PDE1A: variants seen among roughly 807,000 people sequenced by gnomAD.
The protein encoded by PDE1A is phosphodiesterase 1A, also known as dual specificity calcium/calmodulin-dependent 3',5'-cyclic nucleotide phosphodiesterase 1A.
PDE1A carries 35 observed loss-of-function variants against 61.7 expected under a neutral mutation model. The ratio of observed to expected loss-of-function variants is 0.57; its 90% CI spans 0.43 to 0.75. The LOEUF (loss-of-function observed/expected upper bound fraction) is 0.75. Among genes scored for constraint, PDE1A ranks in the 30% least tolerant of loss-of-function variants. PDE1A has a pLI of 0.00. For missense variants in PDE1A, 597 were observed against 630.6 expected (o/e 0.95, Z 0.57); for synonymous variants, 232 against 213.2 (o/e 1.09, Z -0.77).
the PDE1A span, among the ~76,000 whole-genome samples, chr2:182,707,092 G>T: frequency 3.9e-5 from 6 of 152,292 alleles, no homozygotes; most frequent in South Asian, 1.2e-3. Flanking sequence ...AGGGAAATTA[G>T]AAAATATTGT....
chr2:182,560,110 T>C, the PDE1A span, among the ~76,000 whole-genome samples: 9 of 151,346 alleles, frequency 5.9e-5, no homozygotes, highest in Admixed American at 5.3e-4. Flanking sequence ...ATGTGCACAA[T>C]GTGCAGGTTA....
chr2:182,520,081 T>G (rs943259019), intron 2 of PDE1A, among the ~76,000 whole-genome samples: 1 of 151,884 alleles, frequency 6.6e-6, no homozygotes, highest in African/African-American at 2.4e-5. Context: ...ACCAGCAATT[T>G]TGATAAGCTA....
intron 2 of PDE1A, among the ~76,000 whole-genome samples, chr2:182,247,629 C>A (rs1203608082): frequency 1.3e-5 from 2 of 152,084 alleles, no homozygotes; most frequent in Non-Finnish European, 2.9e-5. Context: ...TTCATCTGAC[C>A]ACGCTAGACA....
chr2:182,330,425 G>T (rs1270860421), intron 1 of PDE1A, among the ~76,000 whole-genome samples: 2 of 151,820 alleles, frequency 1.3e-5, no homozygotes, highest in Non-Finnish European at 2.9e-5. Flanking sequence ...TTTCAGAAGG[G>T]TTATAAGCCT....
chr2:182,474,734 TAA>T (rs1322306524), intron 2 of PDE1A, among the ~76,000 whole-genome samples: 1 of 151,858 alleles, frequency 6.6e-6, no homozygotes, highest in Non-Finnish European at 1.5e-5. Flanking sequence ...TAAACCCTAA[TAA>T]AACTCCCTGG....
the PDE1A span, among the ~76,000 whole-genome samples, chr2:182,550,025 A>G: frequency 6.6e-6 from 1 of 152,150 alleles, no homozygotes; most frequent in Non-Finnish European, 1.5e-5. Flanking sequence ...CTAGCCATCA[A>G]TGAAGAAAAA....
intron 7 of PDE1A, among the ~76,000 whole-genome samples, chr2:182,212,975 A>G (rs1481269875): frequency 1.3e-5 from 2 of 150,532 alleles, no homozygotes; most frequent in Admixed American, 1.3e-4. Context: ...GGCACAGACA[A>G]ACAAAAAGAC....
intron 10 of PDE1A, among the ~76,000 whole-genome samples, chr2:182,200,286 G>A (rs1380908168): frequency 6.6e-6 from 1 of 152,152 alleles, no homozygotes; most frequent in Non-Finnish European, 1.5e-5. Context: ...GATAGTTTCA[G>A]CATAGGGCCT....
intron 1 of PDE1A, among the ~76,000 whole-genome samples, chr2:182,326,831 G>C (rs902684961): frequency 6.6e-6 from 1 of 152,164 alleles, no homozygotes; most frequent in Non-Finnish European, 1.5e-5. Flanking sequence ...TCAGAGACTG[G>C]AGGGAGGCAC....
At chr2:182,323,152 C>G (rs534678090) in intron 1 of PDE1A, among the ~76,000 whole-genome samples, 2 of 152,162 alleles carry the variant, frequency 1.3e-5, no homozygotes, top group East Asian at 3.9e-4. Flanking sequence ...TTATAGAAGC[C>G]TTTGAACTTA....
intron 2 of PDE1A, among the ~76,000 whole-genome samples, chr2:182,437,752 T>G (rs1282593030): frequency 6.6e-6 from 1 of 151,980 alleles, no homozygotes; most frequent in African/African-American, 2.4e-5. Flanking sequence ...TATGATTCAC[T>G]TTGATTCTTT....
At chr2:182,571,551 T>C in the PDE1A span, among the ~76,000 whole-genome samples, 1 of 152,012 alleles carries the variant, frequency 6.6e-6, no homozygotes, top group Admixed American at 6.6e-5. Context: ...AAATTAAAAA[T>C]TGGTAAAATA....
chr2:182,353,314 C>T (rs973006054), intron 1 of PDE1A, among the ~76,000 whole-genome samples: 1 of 152,146 alleles, frequency 6.6e-6, no homozygotes, highest in African/African-American at 2.4e-5. Context: ...TTATAAAAAA[C>T]AAATACAAAT....
At position 182,476,230 on chromosome 2, in the gene PDE1A, C is replaced by T. The variant is rs554498779; in HGVS notation, c.101+46046G>A. The stretch of plus-strand genomic sequence containing the variant: ...TTAAGGCTGGATGGGGTGGTTCACA[C>T]CTGTAATCCCAGCACTTTGGGAGGC... On this transcript the variant is annotated intron_variant, in intron 2 of 14. Transcript: ENST00000410103. 3.4e-4 allele frequency among the ~76,000 whole-genome samples: 51 copies of T among 151,972 alleles called. 1 individual carries two copies. In the South Asian group the frequency reaches 9.3e-3, roughly 28 times the overall value.
chr2:182,644,262 T>C, the PDE1A span, among the ~76,000 whole-genome samples: 1 of 115,872 alleles, frequency 8.6e-6, no homozygotes, highest in Non-Finnish European at 1.9e-5. Context: ...GTCTTAAGAC[T>C]CTGTGTGTGT....
At chr2:182,634,451 G>A in the PDE1A span, among the ~76,000 whole-genome samples, 1 of 152,084 alleles carries the variant, frequency 6.6e-6, no homozygotes, top group African/African-American at 2.4e-5. Context: ...GAAAACTCCA[G>A]GAACAAGGCA....
chr2:182,286,810 A>C (rs913401280), intron 1 of PDE1A, among the ~76,000 whole-genome samples: 1 of 152,142 alleles, frequency 6.6e-6, no homozygotes, highest in East Asian at 1.9e-4. Flanking sequence ...CTGTATGCCA[A>C]AGAAAAAGAG....
At chr2:182,448,650 T>C (rs1685298614) in intron 2 of PDE1A, among the ~76,000 whole-genome samples, 1 of 152,102 alleles carries the variant, frequency 6.6e-6, no homozygotes, top group African/African-American at 2.4e-5. Flanking sequence ...TGACTGTGCA[T>C]GCCAGCCAAT....
At chr2:182,437,382 T>C (rs1684498954) in intron 2 of PDE1A, among the ~76,000 whole-genome samples, 1 of 151,952 alleles carries the variant, frequency 6.6e-6, no homozygotes, top group Non-Finnish European at 1.5e-5. Flanking sequence ...ATTAAAACTC[T>C]CTACCTTTTC....
Sources: gnomAD v4.1 joint callset for allele counts (sites outside exome capture counted in the v4.1 genomes callset) on GRCh38, gnomAD v4.1.1 for gene constraint, MANE v1.5 for transcripts, NCBI Gene and HGNC (gene_info 2026-07-23, HGNC 2026-07-21) for gene names.